SCAI: variants seen among roughly 807,000 people sequenced by gnomAD.
SCAI encodes protein SCAI.
SCAI carries 24 observed loss-of-function variants against 92.2 expected under a neutral mutation model. The observed-to-expected ratio is 0.26, with a 90% CI of 0.19 to 0.37. The LOEUF (loss-of-function observed/expected upper bound fraction) is 0.37, where lower values mean the gene tolerates loss of function less well. SCAI is among the 10% of genes least tolerant of loss of function. The probability of loss-of-function intolerance (pLI) is 1.00; values close to 1 mark genes in which losing one functional copy is unlikely to be tolerated. For missense variants in SCAI, 450 were observed against 736.2 expected (o/e 0.61, Z 4.50); for synonymous variants, 261 against 258.6 (o/e 1.01, Z -0.09).
chr9:125,115,045 T>A (rs1365405709), intron 2 of SCAI, among the ~76,000 whole-genome samples: 1 of 151,994 alleles, frequency 6.6e-6, no homozygotes, highest in Non-Finnish European at 1.5e-5. Flanking sequence ...AGAGCTGGGA[T>A]TACAGGCCTG....
chr9:124,969,441 C>CA (rs762481605), intron 17 of SCAI, among the ~76,000 whole-genome samples: 1 of 151,984 alleles, frequency 6.6e-6, no homozygotes, highest in Non-Finnish European at 1.5e-5. Flanking sequence ...CATCCATACA[C>CA]AAAAAAGCAA....
chr9:125,088,975 G>T (rs996929788), intron 2 of SCAI, among the ~76,000 whole-genome samples: 2 of 151,978 alleles, frequency 1.3e-5, no homozygotes, highest in Non-Finnish European at 2.9e-5. Flanking sequence ...TTGTTTTGAC[G>T]GCTAAAAATA....
intron 2 of SCAI, among the ~76,000 whole-genome samples, chr9:125,088,974 C>G (rs898547818): frequency 2.6e-5 from 4 of 152,034 alleles, no homozygotes; most frequent in African/African-American, 9.7e-5. Flanking sequence ...CTTGTTTTGA[C>G]GGCTAAAAAT....
chr9:125,107,088 G>C (rs900576338), intron 2 of SCAI, among the ~76,000 whole-genome samples: 1 of 151,792 alleles, frequency 6.6e-6, no homozygotes, highest in Non-Finnish European at 1.5e-5. Context: ...TTCAAGAAAT[G>C]AAAACAAAAT....
intron 11 of SCAI, among the ~76,000 whole-genome samples, chr9:125,002,892 T>C (rs1832392890): frequency 6.6e-6 from 1 of 151,494 alleles, no homozygotes. Flanking sequence ...CATAAGCAAT[T>C]TTCATTCCCA....
chr9:124,999,575 C>T (rs1342149991), intron 13 of SCAI, among the ~76,000 whole-genome samples: 1 of 152,070 alleles, frequency 6.6e-6, no homozygotes, highest in Non-Finnish European at 1.5e-5. Flanking sequence ...GTATAATGTC[C>T]TGACATATTA....
At chr9:125,121,641 A>G (rs185665953) in intron 2 of SCAI, among the ~76,000 whole-genome samples, 1 of 152,270 alleles carries the variant, frequency 6.6e-6, no homozygotes, top group Non-Finnish European at 1.5e-5. Flanking sequence ...ACCTGAGGTC[A>G]GGAGTTTGAG....
At chr9:125,045,955 T>C (rs1833425332) in intron 3 of SCAI, among the ~76,000 whole-genome samples, 1 of 151,738 alleles carries the variant, frequency 6.6e-6, no homozygotes, top group African/African-American at 2.4e-5. Flanking sequence ...ACACTGCTGG[T>C]GGGAATGTAA....
chr9:125,096,680 A>G (rs940431754), intron 2 of SCAI, among the ~76,000 whole-genome samples: 10 of 152,102 alleles, frequency 6.6e-5, no homozygotes, highest in African/African-American at 2.4e-4. Context: ...CTTCCCATAA[A>G]AGTTTATCTC....
intron 14 of SCAI, among the ~76,000 whole-genome samples, chr9:124,979,216 C>T (rs1831826433): frequency 6.6e-6 from 1 of 151,856 alleles, no homozygotes; most frequent in South Asian, 2.1e-4. Flanking sequence ...CAAGATGTTA[C>T]TACTATTTAT....
intron 14 of SCAI, among the ~76,000 whole-genome samples, chr9:124,993,662 T>C (rs910629072): frequency 6.6e-6 from 1 of 151,954 alleles, no homozygotes; most frequent in Non-Finnish European, 1.5e-5. Context: ...ACAAAATGAG[T>C]AGGAGGAAAA....
At chr9:125,064,643 C>G (rs751303560) in intron 2 of SCAI, among the ~76,000 whole-genome samples, 5 of 152,026 alleles carry the variant, frequency 3.3e-5, no homozygotes, top group Non-Finnish European at 5.9e-5. Context: ...GTCAGGAGTT[C>G]AAGACCAGAC....
chr9:125,125,707 T>G (rs1835250066), intron 2 of SCAI, among the ~76,000 whole-genome samples: 1 of 151,078 alleles, frequency 6.6e-6, no homozygotes, highest in Admixed American at 6.6e-5. Context: ...TGGCAGGCAC[T>G]GTAATCCCAG....
intron 2 of SCAI, among the ~76,000 whole-genome samples, chr9:125,135,796 C>A (rs552881738): frequency 7.9e-5 from 12 of 151,764 alleles, no homozygotes; most frequent in Admixed American, 3.9e-4. Flanking sequence ...ATGGAGAAAC[C>A]CCATCTCTAC....
At chr9:125,119,635 T>C (rs1835118195) in intron 2 of SCAI, among the ~76,000 whole-genome samples, 2 of 152,344 alleles carry the variant, frequency 1.3e-5, no homozygotes, top group African/African-American at 2.4e-5. Context: ...GGAATGCTAA[T>C]CCAGTTATCC....
chr9:125,107,352 T>C lies in SCAI; in HGVS notation c.98+35281A>G, dbSNP rs180745854. Among the ~76,000 whole-genome samples, 650 of 145,960 alleles carry C rather than the reference T, an allele frequency of 4.5e-3. 3 individuals carry two copies. Among genetic ancestry groups the C allele is most frequent in the Admixed American group, 7.6e-3 (108 of 14,202 alleles). ...TGAACCCAGGAGGCGGAGGTTGCAG[T>C]GAGCCGAGATCGCCCCGCTGCACTC... is the stretch of plus-strand genomic sequence containing the variant. On this transcript the variant is annotated intron_variant, in intron 2 of 17. Coordinates refer to ENST00000336505, the MANE Select transcript of SCAI (RefSeq NM_001144877.3).
Position 124,948,732 on chromosome 9 carries a change from GCTTT to G in SCAI, c.*4071_*4074del, listed in dbSNP as rs1274448890. 1.3e-5 allele frequency: 2 copies of G among 152,150 alleles called. No individual in the cohort carries two copies. The highest frequency in any genetic ancestry group is 2.9e-5 in the Non-Finnish European group (2 of 68,022). 9.4% of individuals were successfully genotyped at this position (152,150 alleles called of 1,614,324 possible). On this transcript the variant is annotated 3_prime_UTR_variant, in exon 18 of 18. Coordinates refer to ENST00000336505, the MANE Select transcript of SCAI (RefSeq NM_001144877.3). The stretch of plus-strand genomic sequence containing the variant: ...TATAACTGACTTCTTGCAGTCTTAT[GCTTT>G]CTATGTTGTTTACAGTGATAGTTAA...
chr9:124,953,077 A>AT (rs1239228650), intron 17 of SCAI, 124 bp from the exon 18 acceptor site: 3 of 792,394 alleles, frequency 3.8e-6, no homozygotes, highest in Non-Finnish European at 6.2e-6. Flanking sequence ...TCTTATTAAT[A>AT]TATTTGTTGA....
At chr9:124,959,307 A>G (rs1010002152) in intron 17 of SCAI, among the ~76,000 whole-genome samples, 6 of 150,830 alleles carry the variant, frequency 4.0e-5, no homozygotes, top group Middle Eastern at 3.5e-3. Flanking sequence ...AAAAAAAAGA[A>G]TTTTGATGAA....
Sources: allele counts gnomAD v4.1 joint callset (sites outside exome capture counted in the v4.1 genomes callset), GRCh38; gene constraint gnomAD v4.1.1; transcripts MANE v1.5; gene names NCBI Gene and HGNC (gene_info 2026-07-23, HGNC 2026-07-21).